CHRM3: variants seen among roughly 807,000 people sequenced by gnomAD.
CHRM3 encodes the protein muscarinic acetylcholine receptor M3.
Under a neutral mutation model 41.8 loss-of-function variants are expected in CHRM3, and 11 were observed. The observed-to-expected ratio is 0.26, with a 90% CI of 0.17 to 0.44. The LOEUF is 0.44. CHRM3 is among the 20% of genes least tolerant of loss of function. CHRM3 has a pLI of 1.00. For synonymous variants in CHRM3, 297 were observed against 301.4 expected (o/e 0.99, Z 0.15); for missense variants, 571 against 745.4 (o/e 0.77, Z 2.72).
intron 2 of CHRM3, among the ~76,000 whole-genome samples, chr1:239,511,866 T>C (rs1668946124): frequency 6.6e-6 from 1 of 152,140 alleles, no homozygotes; most frequent in Admixed American, 6.5e-5. Context: ...TTTTGTAAGG[T>C]GATAGAAATT....
intron 5 of CHRM3, among the ~76,000 whole-genome samples, chr1:239,764,040 A>T (rs947461407): frequency 2.0e-5 from 3 of 151,436 alleles, no homozygotes; most frequent in Non-Finnish European, 4.4e-5. Flanking sequence ...GCAGTGAGCT[A>T]TGATTGCACC....
chr1:239,509,145 A>G (rs576246810), intron 2 of CHRM3, among the ~76,000 whole-genome samples: 8 of 152,316 alleles, frequency 5.3e-5, no homozygotes, highest in Admixed American at 3.9e-4. Flanking sequence ...AAGAGCTAGT[A>G]TTTTACTTTC....
chr1:239,809,177 AC>A (rs1670911711), intron 5 of CHRM3, among the ~76,000 whole-genome samples: 1 of 30,868 alleles, frequency 3.2e-5, no homozygotes, highest in Admixed American at 3.9e-4. Context: ...CCGCCACCAC[AC>A]CCGGCTAGTT....
At chr1:239,627,202 A>T (rs375349273) in intron 3 of CHRM3, among the ~76,000 whole-genome samples, 8 of 104,104 alleles carry the variant, frequency 7.7e-5, no homozygotes, top group African/African-American at 1.9e-4. Context: ...TGGGTGCATA[A>T]ATATTTAGGA....
chr1:239,806,619 C>A (rs750494154), intron 5 of CHRM3, among the ~76,000 whole-genome samples: 3 of 152,296 alleles, frequency 2.0e-5, no homozygotes, highest in Admixed American at 1.3e-4. Flanking sequence ...GGGGATGAGC[C>A]ATACAGGCAG....
chr1:239,451,093 A>G (rs1163027850), intron 1 of CHRM3, among the ~76,000 whole-genome samples: 1 of 152,132 alleles, frequency 6.6e-6, no homozygotes, highest in Non-Finnish European at 1.5e-5. Flanking sequence ...GTGTGGTGGC[A>G]TGCATCTGTA....
chr1:239,724,193 C>T (rs1305594685), intron 5 of CHRM3, among the ~76,000 whole-genome samples: 2 of 151,672 alleles, frequency 1.3e-5, no homozygotes. Context: ...GCATCCTGGC[C>T]CTTATAAACC....
intron 1 of CHRM3, among the ~76,000 whole-genome samples, chr1:239,419,857 T>C (rs1222806674): frequency 6.6e-6 from 1 of 152,212 alleles, no homozygotes; most frequent in Non-Finnish European, 1.5e-5. Context: ...AGCACAACTG[T>C]GTGGTGCCAA....
rs140653336 is a variant in CHRM3, at chr1:239,473,667, G to A, written c.-520-19042G>A. The stretch of plus-strand genomic sequence containing the variant: ...GAAAAGAAGATAGGTAAACTGTGGC[G>A]CCTTATTACTGTGGAATCCTGTTCG... On this transcript the variant is annotated intron_variant, in intron 1 of 6. Transcript: ENST00000676153. Among the ~76,000 whole-genome samples, 495 of 152,174 alleles carry A rather than the reference G, an allele frequency of 3.3e-3. 2 individuals are homozygous for A. Among genetic ancestry groups the A allele is most frequent in the African/African-American group, 0.011 (471 of 41,524 alleles).
chr1:239,882,564 A>G (rs1558207424), intron 6 of CHRM3, among the ~76,000 whole-genome samples: 1 of 152,208 alleles, frequency 6.6e-6, no homozygotes. Context: ...GAGATGCAGG[A>G]AGTTGCCTAA....
chr1:239,739,182 CA>C (rs1227694802), intron 5 of CHRM3, among the ~76,000 whole-genome samples: 2 of 152,224 alleles, frequency 1.3e-5, no homozygotes, highest in African/African-American at 4.8e-5. Context: ...GGCACAGCAG[CA>C]CCAGCATGCA....
At chr1:239,496,545 A>G (rs908558001) in intron 2 of CHRM3, among the ~76,000 whole-genome samples, 7 of 108,356 alleles carry the variant, frequency 6.5e-5, no homozygotes, top group South Asian at 3.0e-4. Context: ...GTGTGTGTGT[A>G]TAATTATATA....
chr1:239,618,630 G>A (rs867527833), intron 3 of CHRM3, among the ~76,000 whole-genome samples: 17 of 151,626 alleles, frequency 1.1e-4, no homozygotes, highest in East Asian at 8.1e-4. Flanking sequence ...GGATCACGAG[G>A]TCAGGAGATC....
intron 1 of CHRM3, among the ~76,000 whole-genome samples, chr1:239,398,619 T>C (rs1659701816): frequency 6.6e-6 from 1 of 152,228 alleles, no homozygotes; most frequent in Admixed American, 6.5e-5. Flanking sequence ...TCCTCCCATA[T>C]GGATTGTGTG....
At chr1:239,730,672 TG>T (rs1313810667) in intron 5 of CHRM3, among the ~76,000 whole-genome samples, 10 of 152,138 alleles carry the variant, frequency 6.6e-5, no homozygotes, top group Non-Finnish European at 1.5e-4. Flanking sequence ...GAGTGAACCA[TG>T]GACGCTGAGT....
At chr1:239,461,302 A>G (rs1665342127) in intron 1 of CHRM3, among the ~76,000 whole-genome samples, 1 of 152,180 alleles carries the variant, frequency 6.6e-6, no homozygotes, top group Non-Finnish European at 1.5e-5. Context: ...CTTAGAAATC[A>G]TATATGAATC....
chr1:239,740,089 C>G (rs533447503), intron 5 of CHRM3, among the ~76,000 whole-genome samples: 1 of 152,264 alleles, frequency 6.6e-6, no homozygotes, highest in African/African-American at 2.4e-5. Flanking sequence ...AGAAGAGTTA[C>G]CCTGCTGTGA....
intron 1 of CHRM3, among the ~76,000 whole-genome samples, chr1:239,472,721 G>A (rs1416203165): frequency 6.6e-6 from 1 of 151,416 alleles, no homozygotes; most frequent in Non-Finnish European, 1.5e-5. Context: ...ACTAGGGCCT[G>A]TTGGGGGTGG....
chr1:239,879,683 C>G (rs1408697855), intron 6 of CHRM3, among the ~76,000 whole-genome samples: 1 of 152,164 alleles, frequency 6.6e-6, no homozygotes, highest in Non-Finnish European at 1.5e-5. Flanking sequence ...GCAATGAAAG[C>G]AAGAGAGGAG....
Sources: allele counts gnomAD v4.1 joint callset (sites outside exome capture counted in the v4.1 genomes callset), GRCh38; gene constraint gnomAD v4.1.1; transcripts MANE v1.5; gene names NCBI Gene and HGNC (gene_info 2026-07-23, HGNC 2026-07-21).